The following SYT9 variants were observed in gnomAD, a reference collection of about 807,000 sequenced individuals.
The protein encoded by SYT9 is synaptotagmin 9.
SYT9 carries 22 observed loss-of-function variants against 48.4 expected under a neutral mutation model. The ratio of observed to expected loss-of-function variants is 0.45; its 90% CI spans 0.32 to 0.65. The LOEUF (loss-of-function observed/expected upper bound fraction) is 0.65, where lower values mean the gene tolerates loss of function less well. SYT9 is among the 30% of genes least tolerant of loss of function. The pLI is 0.03. For missense variants in SYT9, 577 were observed against 622.0 expected (o/e 0.93, Z 0.77); for synonymous variants, 265 against 245.0 (o/e 1.08, Z -0.76).
chr11:7,291,691 G>A (rs1400757727), intron 1 of SYT9, among the ~76,000 whole-genome samples: 32 of 146,338 alleles, frequency 2.2e-4, no homozygotes, highest in Admixed American at 1.6e-3. Flanking sequence ...GTGCTCTGGG[G>A]AAAAAAAAAA....
intron 3 of SYT9, among the ~76,000 whole-genome samples, chr11:7,344,193 G>C: frequency 6.6e-6 from 1 of 152,170 alleles, no homozygotes; most frequent in Non-Finnish European, 1.5e-5. Context: ...ATTTCCACCA[G>C]GAGGAGGCAT....
At chr11:7,396,704 G>A (rs958024285) in intron 3 of SYT9, among the ~76,000 whole-genome samples, 1 of 152,112 alleles carries the variant, frequency 6.6e-6, no homozygotes, top group African/African-American at 2.4e-5. Context: ...GAGATGGTCA[G>A]TTCCTCCACA....
At chr11:7,310,354 G>A (rs539739647) in intron 2 of SYT9, among the ~76,000 whole-genome samples, 4 of 151,300 alleles carry the variant, frequency 2.6e-5, no homozygotes, top group Non-Finnish European at 5.9e-5. Context: ...GGCTGGTCTC[G>A]AACTCCTGAC....
At chr11:7,264,693 C>T (rs1320184878) in intron 1 of SYT9, among the ~76,000 whole-genome samples, 1 of 151,932 alleles carries the variant, frequency 6.6e-6, no homozygotes, top group Non-Finnish European at 1.5e-5. Context: ...TGACCACGTC[C>T]AGGACATGAT....
At position 7,252,161 on chromosome 11, in the gene SYT9, G is replaced by T; in HGVS notation, c.-26G>T. 1 of 1,410,398 alleles carries T rather than the reference G, an allele frequency of 7.1e-7. No homozygotes were observed. The highest frequency in any genetic ancestry group is 9.2e-7 in the Non-Finnish European group (1 of 1,086,016). 87.4% of individuals were successfully genotyped at this position (1,410,398 alleles called of 1,614,324 possible). Reference sequence around the variant, plus strand: ...GCTGTCTCCTGCGCCCGCCTGCCCGGCGCGGTCCGAGGATGCGGGGGGGCG... The same window carrying T: ...GCTGTCTCCTGCGCCCGCCTGCCCGTCGCGGTCCGAGGATGCGGGGGGGCG... On this transcript the variant is annotated 5_prime_UTR_variant, in exon 1 of 7. Coordinates refer to ENST00000318881, the MANE Select transcript of SYT9 (RefSeq NM_175733.4). This position sits in a 1 kb window ranked among gnomAD's most constrained non-coding sequence, Gnocchi z 6.3.
At chr11:7,389,572 T>C (rs966752264) in intron 3 of SYT9, among the ~76,000 whole-genome samples, 31 of 152,288 alleles carry the variant, frequency 2.0e-4, no homozygotes, top group African/African-American at 7.5e-4. Flanking sequence ...AATTAATTTA[T>C]ATTGTAGGAC....
At chr11:7,341,442 A>G (rs1003158200) in intron 3 of SYT9, among the ~76,000 whole-genome samples, 10 of 152,208 alleles carry the variant, frequency 6.6e-5, no homozygotes, top group African/African-American at 2.4e-4. Flanking sequence ...GATAGTGAAT[A>G]AGTCTCATGA....
At chr11:7,331,613 A>T (rs565637598) in intron 3 of SYT9, among the ~76,000 whole-genome samples, 13 of 152,236 alleles carry the variant, frequency 8.5e-5, no homozygotes, top group African/African-American at 3.1e-4. Flanking sequence ...AGTCCCACCT[A>T]CTTGGAGGGC....
chr11:7,244,788 A>G (rs962712992), intron 1 of SYT9, among the ~76,000 whole-genome samples: 4 of 152,242 alleles, frequency 2.6e-5, no homozygotes, highest in Admixed American at 2.6e-4. Flanking sequence ...TACGGAATCT[A>G]GCTCACAGGA....
chr11:7,393,293 G>A (rs1846673521), intron 3 of SYT9, among the ~76,000 whole-genome samples: 1 of 53,624 alleles, frequency 1.9e-5, no homozygotes, highest in East Asian at 5.6e-4. Context: ...AGTTTGTTGA[G>A]GTTTTTTTTT....
At chr11:7,398,214 G>GA (rs1564889617) in intron 3 of SYT9, among the ~76,000 whole-genome samples, 1 of 151,752 alleles carries the variant, frequency 6.6e-6, no homozygotes, top group African/African-American at 2.4e-5. Flanking sequence ...CTCTATTCAT[G>GA]TTTTTTTTAG....
chr11:7,355,507 C>A (rs1309317828), intron 3 of SYT9, among the ~76,000 whole-genome samples: 1 of 152,246 alleles, frequency 6.6e-6, no homozygotes, highest in Non-Finnish European at 1.5e-5. Context: ...TAAATCCTTT[C>A]CTGCCTTCCT....
intron 1 of SYT9, among the ~76,000 whole-genome samples, chr11:7,295,070 C>G (rs1170639869): frequency 6.6e-6 from 1 of 152,156 alleles, no homozygotes; most frequent in African/African-American, 2.4e-5. Flanking sequence ...GTCAGTTGGC[C>G]ACACTGTTAG....
At chr11:7,280,865 G>A (rs1848481599) in intron 1 of SYT9, among the ~76,000 whole-genome samples, 1 of 152,204 alleles carries the variant, frequency 6.6e-6, no homozygotes, top group African/African-American at 2.4e-5. Context: ...AGTTAAATGA[G>A]TAGGAAATGA....
chr11:7,366,559 T>G (rs1850247776), intron 3 of SYT9, among the ~76,000 whole-genome samples: 1 of 152,212 alleles, frequency 6.6e-6, no homozygotes, highest in African/African-American at 2.4e-5. Flanking sequence ...TTAATAGACA[T>G]CCACATCTTC....
intron 1 of SYT9, among the ~76,000 whole-genome samples, chr11:7,263,598 A>G (rs920191335): frequency 1.3e-5 from 2 of 152,330 alleles, no homozygotes. Flanking sequence ...TAACGTGGAG[A>G]AAAATCAAGA....
intron 1 of SYT9, among the ~76,000 whole-genome samples, chr11:7,264,111 A>G (rs1848130383): frequency 6.6e-6 from 1 of 152,172 alleles, no homozygotes; most frequent in African/African-American, 2.4e-5. Context: ...GGAATCTTGC[A>G]GAAGTTTGCC....
At chr11:7,434,413 T>C (rs992098636) in intron 6 of SYT9, among the ~76,000 whole-genome samples, 10 of 152,176 alleles carry the variant, frequency 6.6e-5, no homozygotes, top group African/African-American at 2.4e-4. Flanking sequence ...TAGGGTGGGC[T>C]TCTGGTTTTA....
intron 1 of SYT9, among the ~76,000 whole-genome samples, chr11:7,298,826 A>G (rs1342005709): frequency 1.3e-5 from 2 of 152,160 alleles, no homozygotes; most frequent in East Asian, 3.8e-4. Context: ...GTTTCTGACA[A>G]ACAGGCGTGA....
Sources: allele counts gnomAD v4.1 joint callset (sites outside exome capture counted in the v4.1 genomes callset), GRCh38; gene constraint gnomAD v4.1.1; non-coding constraint Gnocchi (gnomAD v3.1); transcripts MANE v1.5; gene names NCBI Gene and HGNC (gene_info 2026-07-23, HGNC 2026-07-21).